The following TGM2 variants were observed in gnomAD, a reference collection of about 807,000 sequenced individuals.
TGM2 encodes the protein transglutaminase 2.
Under a neutral mutation model 75.6 loss-of-function variants are expected in TGM2, and 53 were observed. The ratio of observed to expected loss-of-function variants is 0.70; its 90% CI spans 0.56 to 0.88. The LOEUF (loss-of-function observed/expected upper bound fraction) is 0.88. TGM2 is among the 40% of genes least tolerant of loss of function. TGM2 has a pLI of 0.00. For missense variants in TGM2, 842 were observed against 928.5 expected (o/e 0.91, Z 1.21); for synonymous variants, 374 against 381.1 (o/e 0.98, Z 0.22).
At chr20:38,143,267 T>C (rs890637344) in intron 6 of TGM2, among the ~76,000 whole-genome samples, 2 of 152,246 alleles carry the variant, frequency 1.3e-5, no homozygotes, top group African/African-American at 4.8e-5. Context: ...GAGACCCAGC[T>C]GCTTTCAGCT....
intron 12 of TGM2, among the ~76,000 whole-genome samples, chr20:38,130,605 GA>G (rs1483903716): frequency 6.6e-6 from 1 of 152,258 alleles, no homozygotes; most frequent in Non-Finnish European, 1.5e-5. Flanking sequence ...GGCACAAGGG[GA>G]TAGGCTCAGG....
intron 3 of TGM2, among the ~76,000 whole-genome samples, chr20:38,153,262 C>G (rs565881959): frequency 1.5e-4 from 23 of 152,108 alleles, no homozygotes; most frequent in African/African-American, 4.6e-4. Flanking sequence ...TGGTGGCTCA[C>G]GCCTGTAATC....
chr20:38,138,097 G>A lies in TGM2; in HGVS notation c.1615+16C>T. On this transcript the variant is annotated intron_variant, in intron 10 of 12. Coordinates refer to ENST00000361475, the MANE Select transcript of TGM2 (RefSeq NM_004613.4). ...AGTTGGCGGTCAACAAATGCTCCAG[G>A]AACACAGGGCTTTACCAGAGAAAGG... 6.3e-7 allele frequency: 1 copy of A among 1,575,882 alleles called. No individual in the cohort carries two copies. The highest frequency in any genetic ancestry group is 1.2e-5 in the South Asian group (1 of 86,174).
At chr20:38,130,460 G>A (rs1250641185) in intron 12 of TGM2, 91 bp from the exon 13 acceptor site, 2 of 1,377,402 alleles carry the variant, frequency 1.5e-6, no homozygotes, top group Non-Finnish European at 2.0e-6. Flanking sequence ...GACCTCCGAG[G>A]ATCAGCACAG....
chr20:38,165,329 C>A, upstream of TGM2: 1 of 1,430,050 alleles, frequency 7.0e-7, no homozygotes, highest in Non-Finnish European at 9.6e-7. Flanking sequence ...GGGGGCGGGG[C>A]CCCGCGGGAA....
rs150819720 is a variant in TGM2 at position 38,143,617 on chromosome 20, C to T, written c.860-1418G>A. On this transcript the variant is annotated intron_variant, in intron 6 of 12. Transcript: ENST00000361475. ...AATCCCGGTGTGGATCTCACCCACACGGCCCACTGGGTGCTCCTGGCAGAC... is the reference window on the plus strand; with the variant it reads ...AATCCCGGTGTGGATCTCACCCACATGGCCCACTGGGTGCTCCTGGCAGAC... Among the ~76,000 whole-genome samples, 155 of 150,426 alleles carry T rather than the reference C, an allele frequency of 1.0e-3. 1 individual carries two copies. Among genetic ancestry groups the T allele is most frequent in the African/African-American group, 3.6e-3 (148 of 40,892 alleles).
rs1279400283 is a variant in TGM2, at chr20:38,139,892, C to A, written c.1100-238G>T. On this transcript the variant is annotated intron_variant, in intron 8 of 12. Coordinates refer to ENST00000361475, the MANE Select transcript of TGM2 (RefSeq NM_004613.4). ...CTGTTATTAGCTGGTGACTTTGGGCCAGTCACTAACTTCTCGAAGCGGCAG... is the reference window on the plus strand; with the variant it reads ...CTGTTATTAGCTGGTGACTTTGGGCAAGTCACTAACTTCTCGAAGCGGCAG... Among the ~76,000 whole-genome samples, 3 of 152,214 alleles carry A rather than the reference C, an allele frequency of 2.0e-5. No homozygotes were observed. In the East Asian group the frequency reaches 5.8e-4, roughly 29 times the overall value.
upstream of TGM2, chr20:38,165,427 A>G: frequency 1.6e-6 from 1 of 613,384 alleles, no homozygotes; most frequent in Non-Finnish European, 2.8e-6. Flanking sequence ...AGCCCGAGGG[A>G]GGGACGGCGG....
upstream of TGM2, chr20:38,165,274 G>T: frequency 1.2e-6 from 2 of 1,604,166 alleles, no homozygotes; most frequent in Admixed American, 3.3e-5. Flanking sequence ...TGGCACTGCC[G>T]AGGCGGAGAG....
intron 3 of TGM2, among the ~76,000 whole-genome samples, chr20:38,154,429 A>T (rs1465622438): frequency 6.6e-6 from 1 of 152,136 alleles, no homozygotes; most frequent in African/African-American, 2.4e-5. Context: ...AGATCATTAG[A>T]TCTGACTGCC....
intron 10 of TGM2, among the ~76,000 whole-genome samples, chr20:38,134,441 C>A (rs2074873156): frequency 6.6e-6 from 1 of 152,180 alleles, no homozygotes. Context: ...CCTCCGGGGG[C>A]TTGGAGGATG....
At chr20:38,153,643 G>GT (rs2075145635) in intron 3 of TGM2, among the ~76,000 whole-genome samples, 1 of 151,968 alleles carries the variant, frequency 6.6e-6, no homozygotes, top group East Asian at 1.9e-4. Flanking sequence ...TATACAGTGG[G>GT]ATCCTTTTAT....
At chr20:38,161,363 G>T in intron 2 of TGM2, 57 bp downstream of exon 2, 1 of 1,598,012 alleles carries the variant, frequency 6.3e-7, no homozygotes, top group Non-Finnish European at 8.6e-7. Context: ...GCATGTCGGG[G>T]TGGAGAGGAA....
rs368023176 is a variant in TGM2 at position 38,142,075 on chromosome 20, G to A, written c.984C>T (p.Ser328=). Residue 328 remains serine, a synonymous_variant, in exon 7 of 13, where the codon AGC becomes AGT. Transcript: ENST00000361475. ...GGCCCCCACCTCACCAGATCATCTC[G>A]CTCTTGTCACCCTGGATCTCCCCAA... ...NEFGEIQGDK[S]EMIWNFHCWV... 21 of 1,614,014 alleles carry A rather than the reference G, an allele frequency of 1.3e-5. No homozygotes were observed. Among genetic ancestry groups the A allele is most frequent in the African/African-American group, 8.0e-5 (6 of 74,984 alleles).
chr20:38,150,436 A>G (rs1488565798), intron 4 of TGM2, among the ~76,000 whole-genome samples: 1 of 152,206 alleles, frequency 6.6e-6, no homozygotes, highest in Non-Finnish European at 1.5e-5. Flanking sequence ...AGCAGTTCCC[A>G]AAGTATGGTT....
At position 38,130,244 on chromosome 20, in the gene TGM2, C is replaced by G. The variant is rs780161929; in HGVS notation, c.2039G>C (p.Arg680Pro). ...SDKLKAVKGF[R>P]NVIIGPA Reference sequence around the variant, plus strand: ...TTAGGCGGGGCCAATGATGACATTCCGGAAGCCCTTCACAGCCTTCAGCTT... The same window carrying G: ...TTAGGCGGGGCCAATGATGACATTCGGGAAGCCCTTCACAGCCTTCAGCTT... Residue 680 changes from arginine to proline, a missense_variant, in exon 13 of 13, where the codon CGG (arginine) becomes CCG (proline). Arg to Pro is a moderately radical substitution (Grantham distance 103, BLOSUM62 -2). Transcript: ENST00000361475. The G allele has an allele frequency of 1.9e-6, 3 of 1,613,332 alleles. No individual in the cohort carries two copies. Among genetic ancestry groups the G allele is most frequent in the Admixed American group, 3.3e-5 (2 of 59,972 alleles).
At chr20:38,150,879 A>ATCT in intron 4 of TGM2, 60 bp downstream of exon 4, 1 of 1,326,158 alleles carries the variant, frequency 7.5e-7, no homozygotes, top group East Asian at 2.3e-5. Context: ...GCCCCCAGAC[A>ATCT]CAGGGCCGGG....
chr20:38,139,281 A>G (rs1407040621), intron 9 of TGM2, 131 bp downstream of exon 9: 2 of 1,304,582 alleles, frequency 1.5e-6, no homozygotes, highest in Admixed American at 1.9e-5. Context: ...AAGATGGAGT[A>G]TAGCCTACGG....
chr20:38,147,065 T>C (rs749956792), intron 5 of TGM2, among the ~76,000 whole-genome samples, 171 bp from the exon 6 acceptor site: 1 of 140,538 alleles, frequency 7.1e-6, no homozygotes, highest in African/African-American at 2.7e-5. Flanking sequence ...CGGCAGATGG[T>C]GGGGGCTGGA....
Sources: gnomAD v4.1 joint callset for allele counts (sites outside exome capture counted in the v4.1 genomes callset) on GRCh38, gnomAD v4.1.1 for gene constraint, MANE v1.5 for transcripts, NCBI Gene and HGNC (gene_info 2026-07-23, HGNC 2026-07-21) for gene names.